XKR9: variants seen among roughly 807,000 people sequenced by gnomAD.
XKR9 encodes XK-related protein 9.
Under a neutral mutation model 32.0 loss-of-function variants are expected in XKR9, and 32 were observed. That is an observed-to-expected ratio of 1.00 (90% CI 0.76 to 1.34). The LOEUF is 1.34. XKR9 is among the 40% of genes most tolerant of loss of function. The pLI is 0.00. For missense variants in XKR9, 546 were observed against 429.7 expected (o/e 1.27, Z -2.39); for synonymous variants, 168 against 143.4 (o/e 1.17, Z -1.22).
chr8:70,691,566 A>G (rs1338392187), intron 3 of XKR9, among the ~76,000 whole-genome samples: 2 of 152,130 alleles, frequency 1.3e-5, no homozygotes, highest in East Asian at 3.8e-4. Context: ...TAAGTCTTTA[A>G]TCTGTATTCA....
In XKR9 at chr8:70,681,210, G is replaced by A. The variant is rs1184062575; in HGVS notation, c.152G>A (p.Gly51Glu). Residue 51 changes from glycine to glutamate, a missense_variant, in exon 3 of 5, where the codon GGA becomes GAA. By Grantham distance (98) the Gly-to-Glu change is moderately conservative. Coordinates refer to ENST00000408926, the MANE Select transcript of XKR9 (RefSeq NM_001011720.2). Reference sequence around the variant, plus strand: ...TTAGCGTTAAGCTTTATGCTTTTTGGAACACTTGTGGCTCAGTGTTTTAGT... The same window carrying A: ...TTAGCGTTAAGCTTTATGCTTTTTGAAACACTTGTGGCTCAGTGTTTTAGT... ...SALALSFMLFGTLVAQCFSYS... is the reference protein window; with the variant it reads ...SALALSFMLFETLVAQCFSYS... 3.7e-6 allele frequency: 6 copies of A among 1,613,496 alleles called. 1 individual carries two copies. In the South Asian group the frequency reaches 5.5e-5, roughly 15 times the overall value.
the XKR9 span, among the ~76,000 whole-genome samples, chr8:70,917,878 G>C: frequency 6.6e-6 from 1 of 152,038 alleles, no homozygotes; most frequent in African/African-American, 2.4e-5. Flanking sequence ...GAATAATATT[G>C]GTATCTACCT....
the XKR9 span, among the ~76,000 whole-genome samples, chr8:70,939,976 T>A: frequency 6.6e-6 from 1 of 152,078 alleles, no homozygotes; most frequent in Non-Finnish European, 1.5e-5. Flanking sequence ...GTTACACAAC[T>A]TTGTGTAATT....
At chr8:70,852,437 A>C in the XKR9 span, among the ~76,000 whole-genome samples, 1 of 149,950 alleles carries the variant, frequency 6.7e-6, no homozygotes, top group Non-Finnish European at 1.5e-5. Flanking sequence ...CCATTACGGG[A>C]TTATAAATCA....
chr8:70,697,091 A>G (rs1428035003), intron 3 of XKR9, among the ~76,000 whole-genome samples: 4 of 151,076 alleles, frequency 2.6e-5, no homozygotes, highest in South Asian at 4.2e-4. Context: ...GGGCTGAGAC[A>G]ATGGGGTTTT....
chr8:70,785,980 T>C (rs1286809665), intron 2 of XKR9, among the ~76,000 whole-genome samples: 2 of 151,978 alleles, frequency 1.3e-5, no homozygotes, highest in Non-Finnish European at 2.9e-5. Flanking sequence ...TGAGCCACCA[T>C]ACCTGGACTT....
the XKR9 span, among the ~76,000 whole-genome samples, chr8:70,990,763 G>A: frequency 1.3e-5 from 2 of 148,662 alleles, no homozygotes; most frequent in African/African-American, 5.1e-5. Flanking sequence ...GAGAGAGAGA[G>A]AGAGAAAGAG....
At chr8:70,756,031 T>A (rs1470561651) in intron 2 of XKR9, among the ~76,000 whole-genome samples, 1 of 152,244 alleles carries the variant, frequency 6.6e-6, no homozygotes, top group East Asian at 1.9e-4. Context: ...GTCTTTGATG[T>A]ATTTGGAGTT....
At chr8:70,688,436 G>T (rs1819383807) in intron 3 of XKR9, among the ~76,000 whole-genome samples, 1 of 150,504 alleles carries the variant, frequency 6.6e-6, no homozygotes, top group South Asian at 2.1e-4. Context: ...TTTTTTTTTG[G>T]GATGGAGTCT....
At chr8:70,773,150 T>A (rs1807476082) in intron 2 of XKR9, among the ~76,000 whole-genome samples, 1 of 152,198 alleles carries the variant, frequency 6.6e-6, no homozygotes, top group South Asian at 2.1e-4. Flanking sequence ...GTGCATTCTT[T>A]CAGTGGTTAT....
At chr8:70,775,249 C>G (rs1444407800) in intron 2 of XKR9, among the ~76,000 whole-genome samples, 3 of 152,178 alleles carry the variant, frequency 2.0e-5, no homozygotes, top group Middle Eastern at 3.4e-3. Flanking sequence ...TTTTTATGTA[C>G]AGTCATGTCT....
At chr8:70,691,715 G>A (rs550417710) in intron 3 of XKR9, among the ~76,000 whole-genome samples, 1 of 152,256 alleles carries the variant, frequency 6.6e-6, no homozygotes, top group South Asian at 2.1e-4. Flanking sequence ...TCAACGATCA[G>A]ATAGTCAAAG....
chr8:70,810,338 G>T, the XKR9 span, among the ~76,000 whole-genome samples: 1 of 152,158 alleles, frequency 6.6e-6, no homozygotes, highest in Non-Finnish European at 1.5e-5. Flanking sequence ...GCAAAAACAT[G>T]CCAAAATGTA....
chr8:70,759,185 C>A (rs978544603), intron 2 of XKR9, among the ~76,000 whole-genome samples: 1 of 152,080 alleles, frequency 6.6e-6, no homozygotes, highest in African/African-American at 2.4e-5. Flanking sequence ...AATTTTCTTG[C>A]CAAATGTTTT....
the XKR9 span, among the ~76,000 whole-genome samples, chr8:70,902,091 C>G: frequency 2.6e-5 from 4 of 152,152 alleles, no homozygotes; most frequent in South Asian, 6.2e-4. Context: ...TAGCATGATA[C>G]CTCCAGCTTT....
At chr8:71,065,726 T>C in the XKR9 span, among the ~76,000 whole-genome samples, 13 of 152,208 alleles carry the variant, frequency 8.5e-5, no homozygotes, top group African/African-American at 3.1e-4. Flanking sequence ...TGTGATCTTG[T>C]CTTGGGCAAG....
the XKR9 span, among the ~76,000 whole-genome samples, chr8:71,061,344 TG>T: frequency 6.6e-6 from 1 of 152,164 alleles, no homozygotes; most frequent in Non-Finnish European, 1.5e-5. Flanking sequence ...CTTTAGACAC[TG>T]GTCCTCTCAT....
the XKR9 span, among the ~76,000 whole-genome samples, chr8:71,061,846 T>C: frequency 6.6e-6 from 1 of 152,212 alleles, no homozygotes; most frequent in Non-Finnish European, 1.5e-5. Flanking sequence ...CAATTCTGAG[T>C]ACATCCTAGT....
chr8:70,797,159 G>C, the XKR9 span, among the ~76,000 whole-genome samples: 1 of 152,164 alleles, frequency 6.6e-6, no homozygotes, highest in African/African-American at 2.4e-5. Flanking sequence ...ATCAGTTAAT[G>C]CTTCAGCAAG....
Sources: gnomAD v4.1 joint callset for allele counts (sites outside exome capture counted in the v4.1 genomes callset) on GRCh38, gnomAD v4.1.1 for gene constraint, MANE v1.5 for transcripts, NCBI Gene and HGNC (gene_info 2026-07-23, HGNC 2026-07-21) for gene names.